Variants in ZNG1B observed in about 807,000 individuals in gnomAD.
ZNG1B encodes the protein Zn regulated GTPase metalloprotein activator 1B.
At chr2:113,484,484 A>G in the ZNG1B span, among the ~76,000 whole-genome samples, 1 of 152,152 alleles carries the variant, frequency 6.6e-6, no homozygotes. Flanking sequence ...TTTCTCAAAT[A>G]TTGAGTTGCC....
chr2:113,473,298 G>T, the ZNG1B span, among the ~76,000 whole-genome samples: 1 of 148,010 alleles, frequency 6.8e-6, no homozygotes. Flanking sequence ...GTCTGTTGTT[G>T]GTGTATAAGA....
At chr2:113,486,520 A>G in the ZNG1B span, among the ~76,000 whole-genome samples, 1 of 150,852 alleles carries the variant, frequency 6.6e-6, no homozygotes, top group African/African-American at 2.5e-5. Context: ...TTGACAGGCC[A>G]AGGTGGGTGG....
At chr2:113,467,938 C>A in the ZNG1B span, among the ~76,000 whole-genome samples, 1 of 146,938 alleles carries the variant, frequency 6.8e-6, no homozygotes, top group Non-Finnish European at 1.5e-5. Flanking sequence ...TGCCATGATA[C>A]ATAGTTTGGA....
At chr2:113,495,922 A>G in the ZNG1B span, 3 of 691,816 alleles carry the variant, frequency 4.3e-6, no homozygotes, top group Non-Finnish European at 6.4e-6. Context: ...ACATTCATAC[A>G]GTTATATATA....
the ZNG1B span, among the ~76,000 whole-genome samples, chr2:113,478,844 G>A: frequency 6.6e-6 from 1 of 151,242 alleles, no homozygotes; most frequent in African/African-American, 2.4e-5. Context: ...TATTTCAGCA[G>A]CCAGAAGTGT....
At chr2:113,488,553 T>C in the ZNG1B span, among the ~76,000 whole-genome samples, 1 of 151,522 alleles carries the variant, frequency 6.6e-6, no homozygotes, top group African/African-American at 2.4e-5. Flanking sequence ...TTCACTAGGT[T>C]GGTTATTAAG....
the ZNG1B span, among the ~76,000 whole-genome samples, chr2:113,446,108 TC>T: frequency 6.6e-6 from 1 of 151,518 alleles, no homozygotes; most frequent in South Asian, 2.1e-4. Flanking sequence ...AATATTTGAA[TC>T]TGGTAAGAAA....
At chr2:113,443,214 C>G in the ZNG1B span, among the ~76,000 whole-genome samples, 2 of 151,954 alleles carry the variant, frequency 1.3e-5, no homozygotes, top group African/African-American at 4.8e-5. Context: ...GTGATCCGCC[C>G]GCCTTGGCCT....
At chr2:113,460,237 A>G in the ZNG1B span, among the ~76,000 whole-genome samples, 1 of 150,444 alleles carries the variant, frequency 6.6e-6, no homozygotes, top group Non-Finnish European at 1.5e-5. Context: ...GAAGGGAAGT[A>G]TATTAGATTC....
chr2:113,488,602 A>G, the ZNG1B span, among the ~76,000 whole-genome samples: 1 of 137,672 alleles, frequency 7.3e-6, no homozygotes. Flanking sequence ...ATGTAAAGAT[A>G]TAAAAAAAAA....
At chr2:113,445,799 T>A in the ZNG1B span, among the ~76,000 whole-genome samples, 5,132 of 120,628 alleles carry the variant, frequency 0.043, 206 homozygotes, top group East Asian at 0.17. Flanking sequence ...TACCATTATT[T>A]TTTTTTTTTT....
chr2:113,472,356 T>C, the ZNG1B span, among the ~76,000 whole-genome samples: 1 of 152,038 alleles, frequency 6.6e-6, no homozygotes, highest in Admixed American at 6.5e-5. Context: ...TGTAAATTTG[T>C]TTGAGTTCAT....
At chr2:113,487,185 A>G in the ZNG1B span, among the ~76,000 whole-genome samples, 3 of 152,318 alleles carry the variant, frequency 2.0e-5, no homozygotes, top group Admixed American at 6.5e-5. Context: ...ATTTCCATAC[A>G]CTGGTCAGTA....
the ZNG1B span, among the ~76,000 whole-genome samples, chr2:113,484,216 A>G: frequency 7.0e-6 from 1 of 142,856 alleles, no homozygotes; most frequent in Admixed American, 7.1e-5. Flanking sequence ...AGAGGATAGT[A>G]ATGGAGAAGC....
At chr2:113,484,922 C>A in the ZNG1B span, among the ~76,000 whole-genome samples, 1 of 151,954 alleles carries the variant, frequency 6.6e-6, no homozygotes. Flanking sequence ...GCTTCGGCCT[C>A]CCAAAGTGCT....
chr2:113,445,067 G>A, the ZNG1B span: 1 of 1,606,898 alleles, frequency 6.2e-7, no homozygotes, highest in East Asian at 2.2e-5. Flanking sequence ...TAAGAAGTGA[G>A]GTTGTTAATA....
At chr2:113,460,745 A>T in the ZNG1B span, 1 of 1,586,020 alleles carries the variant, frequency 6.3e-7, no homozygotes, top group Non-Finnish European at 8.5e-7. Flanking sequence ...GTATATATTG[A>T]TTGCTGGCTA....
the ZNG1B span, chr2:113,455,474 G>T: frequency 1.9e-6 from 1 of 532,596 alleles, no homozygotes; most frequent in East Asian, 6.8e-5. Context: ...TTTAAATGAG[G>T]TTTAATTTAT....
the ZNG1B span, among the ~76,000 whole-genome samples, chr2:113,459,639 T>A: frequency 6.6e-6 from 1 of 151,648 alleles, no homozygotes; most frequent in East Asian, 1.9e-4. Context: ...AAAATAGCCA[T>A]CTCCCATAAT....
Sources: gnomAD v4.1 joint callset for allele counts (sites outside exome capture counted in the v4.1 genomes callset) on GRCh38, gnomAD v4.1.1 for gene constraint, MANE v1.5 for transcripts, NCBI Gene and HGNC (gene_info 2026-07-23, HGNC 2026-07-21) for gene names.